The following ARHGEF9 variants were observed in gnomAD, a reference collection of about 807,000 sequenced individuals.
ARHGEF9 encodes the protein rho guanine nucleotide exchange factor 9.
A neutral mutation model predicts 41.3 loss-of-function variants in ARHGEF9; 2 were observed. That is an observed-to-expected ratio of 0.05 (90% CI 0.02 to 0.15). The LOEUF is 0.15. Ranked by LOEUF, ARHGEF9 falls within the 10% of genes least tolerant of loss-of-function variation. ARHGEF9 has a pLI of 1.00. For missense variants in ARHGEF9, 225 were observed against 424.7 expected (o/e 0.53, Z 4.13); for synonymous variants, 160 against 154.4 (o/e 1.04, Z -0.27).
At chrX:63,724,181 T>G (rs1556415433) in intron 2 of ARHGEF9, among the ~76,000 whole-genome samples, 1 of 109,500 alleles carries the variant, frequency 9.1e-6, no homozygotes, top group Non-Finnish European at 1.9e-5. Flanking sequence ...AAAAGAGAGA[T>G]AAGAAAGACA....
chrX:63,648,022 C>T (rs1196382099), intron 8 of ARHGEF9, among the ~76,000 whole-genome samples: 2 of 111,645 alleles, frequency 1.8e-5, no homozygotes, highest in Non-Finnish European at 3.8e-5. Flanking sequence ...TTGGAAAACA[C>T]TCTGCAGGAT....
intron 5 of ARHGEF9, among the ~76,000 whole-genome samples, 172 bp downstream of exon 5, chrX:63,678,168 G>GAT (rs2050390113): frequency 8.9e-6 from 1 of 112,023 alleles, no homozygotes; most frequent in Non-Finnish European, 1.9e-5. Flanking sequence ...CAAAGCCAGT[G>GAT]ATAGCTCTGC....
At chrX:63,650,043 G>C (rs1556326723) in intron 8 of ARHGEF9, among the ~76,000 whole-genome samples, 1 of 111,118 alleles carries the variant, frequency 9.0e-6, no homozygotes, top group African/African-American at 3.3e-5. Flanking sequence ...CTGCAGAAGG[G>C]ATAAACAAAC....
chrX:63,644,571 C>CTA (rs2047868969), intron 8 of ARHGEF9, among the ~76,000 whole-genome samples: 1 of 109,675 alleles, frequency 9.1e-6, no homozygotes, highest in Non-Finnish European at 1.9e-5. Flanking sequence ...TGCTAAGTCC[C>CTA]AGGCAGGATG....
chrX:63,638,435 A>T (rs1179571781), intron 9 of ARHGEF9: 1 of 426,993 alleles, frequency 2.3e-6, no homozygotes, highest in Non-Finnish European at 4.1e-6. Context: ...TCAGGTATCA[A>T]AGAAATTTGG....
intron 4 of ARHGEF9, among the ~76,000 whole-genome samples, chrX:63,684,587 T>C (rs1556373319): frequency 9.0e-6 from 1 of 111,501 alleles, no homozygotes; most frequent in Non-Finnish European, 1.9e-5. Flanking sequence ...CCATGTTCAT[T>C]GCAGTACTAT....
chrX:63,704,708 G>T (rs2052413428), intron 3 of ARHGEF9, among the ~76,000 whole-genome samples: 1 of 112,247 alleles, frequency 8.9e-6, no homozygotes, highest in South Asian at 3.7e-4. Flanking sequence ...CTATAATGAA[G>T]CCCATTGGAA....
intron 1 of ARHGEF9, among the ~76,000 whole-genome samples, chrX:63,773,246 A>C (rs2056234096): frequency 8.9e-6 from 1 of 112,413 alleles, no homozygotes; most frequent in South Asian, 3.7e-4. Flanking sequence ...ATTATATCAT[A>C]GGACTGTTTG....
chrX:63,761,474 G>A (rs1479131223), intron 1 of ARHGEF9, among the ~76,000 whole-genome samples: 1 of 111,413 alleles, frequency 9.0e-6, no homozygotes, highest in African/African-American at 3.3e-5. Context: ...ATGAGTGAAT[G>A]AAGAGCAAGG....
chrX:63,680,427 AC>A (rs1556367775), intron 4 of ARHGEF9, among the ~76,000 whole-genome samples: 1 of 112,441 alleles, frequency 8.9e-6, no homozygotes, highest in African/African-American at 3.2e-5. Context: ...ACAGGAGTGT[AC>A]AACCAGCTTC....
In ARHGEF9 at chrX:63,635,516, T is replaced by C; in HGVS notation, c.*2512A>G. The C allele has an allele frequency of 2.1e-6, 1 of 486,826 alleles. No homozygotes were observed. Among genetic ancestry groups the C allele is most frequent in the South Asian group, 2.9e-5 (1 of 34,571 alleles). The allele number at this position is 486,826 out of a possible 1,213,427, so 40.1% of individuals were successfully genotyped here. ...ACCCAGGTATTTAATTGGGCTCCCC[T>C]TGGGGCTGTTGGCCACTGGTCTGCT... On this transcript the variant is annotated 3_prime_UTR_variant, in exon 10 of 10. Transcript: ENST00000671741.
rs2056128629 is a variant in ARHGEF9, at chrX:63,767,325, T to C, written c.30+17791A>G. On this transcript the variant is annotated intron_variant, in intron 1 of 9. Transcript: ENST00000671741. ...AAAATTTTGATGAGGCTTCCAAGAA[T>C]GAGGCAAACTGAATTGAGTCAACTT... is the stretch of plus-strand genomic sequence containing the variant. The C allele has an allele frequency of 1.0e-5, 7 of 676,162 alleles. No homozygotes were observed. In the South Asian group the frequency reaches 1.3e-4, roughly 12 times the overall value. The allele number at this position is 676,162 out of a possible 1,213,427, so 55.7% of individuals were successfully genotyped here. A position where few individuals can be genotyped will look rare whatever the true frequency, so the allele number is the denominator to read the frequency against.
chrX:63,749,696 A>G (rs782016763), intron 1 of ARHGEF9, among the ~76,000 whole-genome samples: 7 of 112,450 alleles, frequency 6.2e-5, no homozygotes, highest in Non-Finnish European at 1.1e-4. Flanking sequence ...CACAAGGCTG[A>G]TGTGATGCTC....
intron 2 of ARHGEF9, among the ~76,000 whole-genome samples, chrX:63,711,526 T>C (rs112315296): frequency 1.8e-5 from 2 of 111,927 alleles, no homozygotes; most frequent in African/African-American, 3.2e-5. Context: ...TTGATATTTG[T>C]CAAAGGTGCC....
chrX:63,705,001 T>C (rs1310965185), intron 3 of ARHGEF9, among the ~76,000 whole-genome samples: 37 of 112,632 alleles, frequency 3.3e-4, no homozygotes, highest in African/African-American at 3.2e-5. Flanking sequence ...GTGGCTGTCA[T>C]TACAGATATA....
Position 63,724,693 on chromosome X carries a change from T to C in ARHGEF9, c.49A>G (p.Ile17Val), listed in dbSNP as rs55868891. Residue 17 changes from isoleucine to valine, a missense_variant, in exon 2 of 10, where the codon ATC becomes GTC. This residue lies in a region of ARHGEF9 where 114 missense variants were observed against 197.9 expected (regional missense o/e 0.58). Coordinates refer to ENST00000671741, the MANE Select transcript of ARHGEF9 (RefSeq NM_001353921.2). The part of the protein sequence containing the change: ...GSGMLITGDS[I>V]VSAEAVWDHV... The stretch of plus-strand genomic sequence containing the variant: ...TCCCATACTGCCTCAGCACTAACGA[T>C]GGAATCTCCAGTGATCAGCTTAGGA... 224 of 1,209,553 alleles carry C rather than the reference T, an allele frequency of 1.9e-4. 1 individual carries two copies. In the African/African-American group the frequency reaches 3.7e-3, roughly 20 times the overall value.
chrX:63,681,745 T>C (rs1296067515), intron 4 of ARHGEF9, among the ~76,000 whole-genome samples: 1 of 109,843 alleles, frequency 9.1e-6, no homozygotes, highest in Admixed American at 9.7e-5. Context: ...CAGATATAAA[T>C]CAGAGAACAG....
At chrX:63,676,126 G>A (rs1317496808) in intron 5 of ARHGEF9, among the ~76,000 whole-genome samples, 1 of 112,099 alleles carries the variant, frequency 8.9e-6, no homozygotes, top group African/African-American at 3.2e-5. Context: ...CAGATCCTAC[G>A]TAGTACCTCC....
intron 2 of ARHGEF9, among the ~76,000 whole-genome samples, chrX:63,711,004 TTA>T (rs1266954356): frequency 9.0e-6 from 1 of 111,560 alleles, no homozygotes; most frequent in African/African-American, 3.2e-5. Flanking sequence ...TAAAAATCAA[TTA>T]TGTTTCTATA....
Sources: allele counts gnomAD v4.1 joint callset (sites outside exome capture counted in the v4.1 genomes callset), GRCh38; gene constraint gnomAD v4.1.1; regional missense constraint gnomAD v4.1.1; transcripts MANE v1.5; gene names NCBI Gene and HGNC (gene_info 2026-07-23, HGNC 2026-07-21).